CHN1: variants seen among roughly 807,000 people sequenced by gnomAD.
CHN1 encodes the protein chimerin 1.
CHN1 carries 37 observed loss-of-function variants against 59.5 expected under a neutral mutation model. That is an observed-to-expected ratio of 0.62 (90% CI 0.48 to 0.82). The LOEUF is 0.82. CHN1 is among the 40% of genes least tolerant of loss of function. The pLI is 0.00. For missense variants in CHN1, 469 were observed against 571.0 expected (o/e 0.82, Z 1.82); for synonymous variants, 206 against 200.4 (o/e 1.03, Z -0.24).
intron 10 of CHN1, chr2:174,811,302 T>G (rs1685064361): frequency 2.1e-6 from 1 of 483,806 alleles, no homozygotes; most frequent in East Asian, 3.4e-5. Flanking sequence ...TAACATAGTT[T>G]AATTTTATAC....
chr2:174,982,807 C>T (rs964584998), intron 1 of CHN1, among the ~76,000 whole-genome samples: 2 of 152,174 alleles, frequency 1.3e-5, no homozygotes, highest in South Asian at 4.2e-4. Flanking sequence ...AGTTATATAT[C>T]AAGAAATATT....
At chr2:174,978,230 A>G (rs1691016374) in intron 1 of CHN1, among the ~76,000 whole-genome samples, 1 of 152,192 alleles carries the variant, frequency 6.6e-6, no homozygotes, top group Admixed American at 6.5e-5. Flanking sequence ...GCGTTCTTCA[A>G]CCTAGAACAT....
chr2:174,912,301 G>C (rs1387187889), intron 5 of CHN1, among the ~76,000 whole-genome samples: 1 of 152,140 alleles, frequency 6.6e-6, no homozygotes, highest in East Asian at 1.9e-4. Flanking sequence ...GGGGCCTCTG[G>C]ATGAATAGTG....
intron 6 of CHN1, among the ~76,000 whole-genome samples, chr2:174,860,997 A>G (rs904406661): frequency 6.6e-6 from 1 of 152,172 alleles, no homozygotes; most frequent in African/African-American, 2.4e-5. Flanking sequence ...TCTCCTCCTC[A>G]ATCTGCCTAA....
intron 3 of CHN1, among the ~76,000 whole-genome samples, chr2:174,943,079 GTAAA>G (rs1481237994): frequency 6.6e-6 from 1 of 151,852 alleles, no homozygotes; most frequent in East Asian, 1.9e-4. Context: ...AAGTAAATAA[GTAAA>G]TAAATAAATA....
chr2:174,942,613 G>A (rs1370657014), intron 3 of CHN1, among the ~76,000 whole-genome samples: 1 of 152,138 alleles, frequency 6.6e-6, no homozygotes, highest in African/African-American at 2.4e-5. Context: ...AGAGAGAATT[G>A]TGAATGTCTC....
At chr2:174,862,546 T>C (rs1015926968) in intron 6 of CHN1, among the ~76,000 whole-genome samples, 8 of 152,306 alleles carry the variant, frequency 5.3e-5, no homozygotes, top group African/African-American at 1.9e-4. Flanking sequence ...TTGGTCAGGA[T>C]GGTCTCAATC....
chr2:174,906,893 T>A (rs557102568), intron 5 of CHN1, among the ~76,000 whole-genome samples: 4 of 152,296 alleles, frequency 2.6e-5, no homozygotes, highest in African/African-American at 9.6e-5. Flanking sequence ...AACGGGTGTC[T>A]TTTTAAAAGG....
chr2:174,857,858 C>T (rs1156572278), intron 6 of CHN1, among the ~76,000 whole-genome samples: 1 of 152,100 alleles, frequency 6.6e-6, no homozygotes, highest in Non-Finnish European at 1.5e-5. Context: ...ACTTTGTCAA[C>T]AATAAGGAAC....
At chr2:174,804,077 T>C (rs559798040) in intron 11 of CHN1, among the ~76,000 whole-genome samples, 138 of 152,306 alleles carry the variant, frequency 9.1e-4, no homozygotes, top group African/African-American at 3.3e-3. Context: ...TACACTCTAT[T>C]AGAATGAGGC....
intron 6 of CHN1, among the ~76,000 whole-genome samples, chr2:174,873,501 G>A (rs1029998418): frequency 1.3e-5 from 2 of 152,162 alleles, no homozygotes; most frequent in Non-Finnish European, 2.9e-5. Context: ...ATGGATACAG[G>A]TAATGGCCTA....
intron 8 of CHN1, chr2:174,821,861 A>G (rs1685511357): frequency 6.1e-6 from 2 of 326,602 alleles, no homozygotes; most frequent in Non-Finnish European, 6.2e-6. Context: ...CCCCATCTCA[A>G]TATCCTTAAT....
intron 4 of CHN1, 118 bp from the exon 5 acceptor site, chr2:174,915,289 A>T: frequency 2.6e-6 from 2 of 777,442 alleles, no homozygotes; most frequent in Non-Finnish European, 4.2e-6. Flanking sequence ...GTACTGCCAC[A>T]TAATGGAAGG....
rs748733116 is a variant in CHN1 at position 175,004,925 on chromosome 2, C to T, written c.-13G>A. ...GGGTCAGGGCCATTGTAAAGGCGCT[C>T]GCCGCCGCCCGCGAGTCCAGGCGCT... On this transcript the variant is annotated 5_prime_UTR_variant, in exon 1 of 13. Coordinates refer to ENST00000409900, the MANE Select transcript of CHN1 (RefSeq NM_001822.7). 36 of 1,532,232 alleles carry T rather than the reference C, an allele frequency of 2.3e-5. 1 individual carries two copies. The African/African-American group carries it at 4.5e-4, about 19-fold the overall frequency. The allele number at this position is 1,532,232 out of a possible 1,614,324, so 94.9% of individuals were successfully genotyped here.
intron 1 of CHN1, among the ~76,000 whole-genome samples, chr2:174,957,024 C>CT (rs1238112428): frequency 6.6e-6 from 1 of 152,150 alleles, no homozygotes; most frequent in African/African-American, 2.4e-5. Context: ...ATGTGTATCT[C>CT]TTTAAAGACA....
At chr2:174,822,959 A>T (rs2105399599) in intron 8 of CHN1, among the ~76,000 whole-genome samples, 1 of 152,370 alleles carries the variant, frequency 6.6e-6, no homozygotes, top group East Asian at 1.9e-4. Context: ...ATGGTGATAT[A>T]TGCCTGGAAC....
chr2:174,991,967 A>G (rs1028016208), intron 1 of CHN1, among the ~76,000 whole-genome samples: 18 of 152,368 alleles, frequency 1.2e-4, no homozygotes, highest in African/African-American at 4.1e-4. Context: ...GACAAAAATA[A>G]GATACATAAC....
intron 1 of CHN1, among the ~76,000 whole-genome samples, chr2:174,983,695 G>A (rs1392974059): frequency 8.5e-5 from 13 of 152,124 alleles, no homozygotes; most frequent in Non-Finnish European, 1.6e-4. Context: ...GGGCTTGGTG[G>A]CATGCGCCTG....
At chr2:174,822,944 C>T (rs1014681185) in intron 8 of CHN1, among the ~76,000 whole-genome samples, 2 of 152,184 alleles carry the variant, frequency 1.3e-5, no homozygotes, top group Non-Finnish European at 2.9e-5. Flanking sequence ...CAGGAAGGTC[C>T]TTGAATGGTG....
Sources: gnomAD v4.1 joint callset for allele counts (sites outside exome capture counted in the v4.1 genomes callset) on GRCh38, gnomAD v4.1.1 for gene constraint, MANE v1.5 for transcripts, NCBI Gene and HGNC (gene_info 2026-07-23, HGNC 2026-07-21) for gene names.